The following GRM1 variants were observed in gnomAD, a reference collection of about 807,000 sequenced individuals.
The protein encoded by GRM1 is glutamate metabotropic receptor 1.
In GRM1, 33 loss-of-function variants were observed where a neutral mutation model predicts 90.9. The ratio of observed to expected loss-of-function variants is 0.36; its 90% CI spans 0.28 to 0.49. The LOEUF is 0.49. Ranked by LOEUF, GRM1 falls within the 20% of genes least tolerant of loss-of-function variation. GRM1 has a pLI of 0.99. For missense variants in GRM1, 1,190 were observed against 1,534.3 expected (o/e 0.78, Z 3.75); for synonymous variants, 700 against 613.2 (o/e 1.14, Z -2.09).
intron 2 of GRM1, among the ~76,000 whole-genome samples, chr6:146,252,300 T>C (rs748985552): frequency 6.6e-6 from 1 of 152,138 alleles, no homozygotes; most frequent in Non-Finnish European, 1.5e-5. Flanking sequence ...TGAAAAATAT[T>C]TGGGGAGACT....
At chr6:146,098,208 T>C (rs1776936618) in intron 1 of GRM1, among the ~76,000 whole-genome samples, 1 of 152,158 alleles carries the variant, frequency 6.6e-6, no homozygotes, top group Non-Finnish European at 1.5e-5. Flanking sequence ...ATAGAATCAT[T>C]TTTAATATAT....
intron 1 of GRM1, among the ~76,000 whole-genome samples, chr6:146,088,361 G>A (rs1720364117): frequency 6.6e-6 from 1 of 151,990 alleles, no homozygotes; most frequent in Admixed American, 6.6e-5. Context: ...CAGGTATGTG[G>A]TCATGTGCCT....
intron 6 of GRM1, among the ~76,000 whole-genome samples, chr6:146,397,688 CAT>C (rs920963806): frequency 6.6e-6 from 1 of 152,074 alleles, no homozygotes; most frequent in African/African-American, 2.4e-5. Flanking sequence ...CGATTACTCA[CAT>C]GAGACTGTTG....
chr6:146,051,497 A>T (rs1775288684), intron 1 of GRM1, among the ~76,000 whole-genome samples: 2 of 152,128 alleles, frequency 1.3e-5, no homozygotes, highest in African/African-American at 4.8e-5. Flanking sequence ...CCTCTTAGGC[A>T]TCTAACTGCT....
chr6:146,285,274 A>G (rs957567639), intron 2 of GRM1, among the ~76,000 whole-genome samples: 4 of 152,044 alleles, frequency 2.6e-5, no homozygotes, highest in African/African-American at 9.7e-5. Flanking sequence ...ACTGCTATCC[A>G]CCTGTTGCTT....
intron 2 of GRM1, among the ~76,000 whole-genome samples, chr6:146,295,421 C>T (rs190267076): frequency 1.3e-3 from 190 of 150,302 alleles, no homozygotes; most frequent in African/African-American, 3.4e-3. Context: ...TTAGTAGAGA[C>T]GGGGTTTCAT....
At chr6:146,176,302 A>G (rs757214104) in intron 2 of GRM1, among the ~76,000 whole-genome samples, 15 of 152,232 alleles carry the variant, frequency 9.9e-5, no homozygotes, top group Non-Finnish European at 1.6e-4. Context: ...ACTGGAAGGG[A>G]TTAATAAATT....
intron 5 of GRM1, among the ~76,000 whole-genome samples, chr6:146,370,557 T>A (rs1047434002): frequency 1.3e-5 from 2 of 152,086 alleles, no homozygotes; most frequent in East Asian, 3.8e-4. Flanking sequence ...GCTCTTTAAC[T>A]TCAATAATCG....
At chr6:146,191,000 C>A (rs1001371864) in intron 2 of GRM1, among the ~76,000 whole-genome samples, 1 of 152,200 alleles carries the variant, frequency 6.6e-6, no homozygotes. Flanking sequence ...TCTTCAATAT[C>A]ATCACACAGC....
chr6:146,044,572 G>A (rs761372074), intron 1 of GRM1, among the ~76,000 whole-genome samples: 11 of 151,980 alleles, frequency 7.2e-5, no homozygotes, highest in South Asian at 2.1e-4. Flanking sequence ...TAATAAGGTG[G>A]TGATTCAATC....
intron 1 of GRM1, among the ~76,000 whole-genome samples, chr6:146,106,982 C>T (rs752737298): frequency 2.6e-5 from 4 of 152,188 alleles, no homozygotes; most frequent in Non-Finnish European, 5.9e-5. Context: ...ACTTACTCTT[C>T]GACCTCTGGG....
intron 1 of GRM1, among the ~76,000 whole-genome samples, chr6:146,158,122 G>T (rs1291628533): frequency 6.6e-6 from 1 of 152,144 alleles, no homozygotes; most frequent in Non-Finnish European, 1.5e-5. Flanking sequence ...ATTCAGCAAG[G>T]TTGTGTCTTT....
chr6:146,309,188 C>G (rs1042144893), intron 3 of GRM1, among the ~76,000 whole-genome samples: 7 of 151,980 alleles, frequency 4.6e-5, no homozygotes, highest in Admixed American at 2.0e-4. Context: ...GGCTTGAGGT[C>G]AGGAGTTCGA....
intron 3 of GRM1, among the ~76,000 whole-genome samples, chr6:146,337,257 C>A (rs1308731608): frequency 1.3e-5 from 2 of 152,202 alleles, no homozygotes; most frequent in Non-Finnish European, 2.9e-5. Context: ...TCTCTCATGT[C>A]CCAGGTTCTG....
chr6:146,211,351 A>G (rs1325228546), intron 2 of GRM1, among the ~76,000 whole-genome samples: 1 of 151,912 alleles, frequency 6.6e-6, no homozygotes, highest in African/African-American at 2.4e-5. Context: ...ATGATAGAAA[A>G]AAAAAAAAAG....
At chr6:146,190,956 T>C (rs1438677081) in intron 2 of GRM1, among the ~76,000 whole-genome samples, 2 of 152,198 alleles carry the variant, frequency 1.3e-5, no homozygotes, top group African/African-American at 4.8e-5. Context: ...TGGAATTGTA[T>C]TCATAGCTCC....
At position 146,075,046 on chromosome 6, in the gene GRM1, A is replaced by G. The variant is rs141590464; in HGVS notation, c.700+44829A>G. 4.6e-5 allele frequency among the ~76,000 whole-genome samples: 7 copies of G among 152,320 alleles called. No individual in the cohort carries two copies. In the East Asian group the frequency reaches 1.4e-3, roughly 29 times the overall value. On this transcript the variant is annotated intron_variant, in intron 1 of 7. Coordinates refer to ENST00000282753, the MANE Select transcript of GRM1 (RefSeq NM_001278064.2). The stretch of plus-strand genomic sequence containing the variant: ...ATCAATTTTCCAGAGTTCATATGCT[A>G]TGAAACAATGTAATCATATATCATA...
At chr6:146,109,362 G>T (rs1015262980) in intron 1 of GRM1, among the ~76,000 whole-genome samples, 2 of 152,224 alleles carry the variant, frequency 1.3e-5, no homozygotes, top group East Asian at 1.9e-4. Flanking sequence ...CACAGCTTGG[G>T]CTGTGGCTTC....
At chr6:146,274,549 T>C (rs903393210) in intron 2 of GRM1, among the ~76,000 whole-genome samples, 1 of 152,196 alleles carries the variant, frequency 6.6e-6, no homozygotes. Context: ...ATTTAAAATA[T>C]GCTTTAAAAT....
Sources: gnomAD v4.1 joint callset for allele counts (sites outside exome capture counted in the v4.1 genomes callset) on GRCh38, gnomAD v4.1.1 for gene constraint, MANE v1.5 for transcripts, NCBI Gene and HGNC (gene_info 2026-07-23, HGNC 2026-07-21) for gene names.